Variants in SH3RF2 observed in about 807,000 individuals in gnomAD.
SH3RF2 encodes SH3 domain containing ring finger 2, also known as E3 ubiquitin-protein ligase SH3RF2.
SH3RF2 carries 43 observed loss-of-function variants against 59.0 expected under a neutral mutation model. That is an observed-to-expected ratio of 0.73 (90% CI 0.57 to 0.94). The LOEUF is 0.94. Ranked by LOEUF, SH3RF2 falls within the 40% of genes least tolerant of loss-of-function variation. The pLI is 0.00. For synonymous variants in SH3RF2, 391 were observed against 391.5 expected (o/e 1.00, Z 0.01); for missense variants, 930 against 940.1 (o/e 0.99, Z 0.14).
rs1370785907 is a variant in SH3RF2 at position 146,000,202 on chromosome 5, C to T, written c.523C>T (p.Pro175Ser). ...AATCAATGGCATCAGCGGGAACTTC[C>T]CAGCCAGCTCCGTGGAAGTCATCAA... ...GEINGISGNF[P>S]ASSVEVIKQL... is the part of the protein sequence containing the mutation. Residue 175 changes from proline to serine, a missense_variant, in exon 3 of 10, where the codon CCA (proline) becomes TCA (serine). By Grantham distance (74) the Pro-to-Ser change is moderately conservative. Transcript: ENST00000359120. 1.9e-6 allele frequency: 3 copies of T among 1,613,546 alleles called. No homozygotes were observed. The highest frequency in any genetic ancestry group is 2.7e-5 in the African/African-American group (2 of 74,978).
At chr5:145,951,229 G>A (rs762904051) in intron 2 of SH3RF2, among the ~76,000 whole-genome samples, 4 of 152,110 alleles carry the variant, frequency 2.6e-5, no homozygotes, top group Admixed American at 6.6e-5. Context: ...TAAGAGGCTC[G>A]GGAGTACTTT....
chr5:145,937,548 G>A (rs1017313763), intron 1 of SH3RF2, among the ~76,000 whole-genome samples: 5 of 152,218 alleles, frequency 3.3e-5, no homozygotes, highest in South Asian at 2.1e-4. Flanking sequence ...AGAGGGGTTG[G>A]GGGGCCACTT....
intron 2 of SH3RF2, among the ~76,000 whole-genome samples, chr5:145,975,491 C>T (rs1177583448): frequency 6.6e-6 from 1 of 152,216 alleles, no homozygotes; most frequent in Non-Finnish European, 1.5e-5. Context: ...TCAGATCCCC[C>T]TTCCACCAAG....
intron 2 of SH3RF2, among the ~76,000 whole-genome samples, chr5:145,975,917 C>T (rs1052059323): frequency 1.3e-5 from 2 of 152,226 alleles, no homozygotes; most frequent in Non-Finnish European, 2.9e-5. Context: ...TACATTAAGA[C>T]ATGGTATCAA....
chr5:145,963,023 G>A (rs1358370072), intron 2 of SH3RF2, among the ~76,000 whole-genome samples: 3 of 148,682 alleles, frequency 2.0e-5, no homozygotes, highest in Admixed American at 6.8e-5. Context: ...TCAGCCACCC[G>A]AGTAGCTGGG....
At chr5:146,026,718 A>G (rs2150001028) in intron 5 of SH3RF2, among the ~76,000 whole-genome samples, 1 of 152,318 alleles carries the variant, frequency 6.6e-6, no homozygotes, top group African/African-American at 2.4e-5. Context: ...AAATAAAAAT[A>G]TGGGCTTTGG....
At chr5:146,042,790 T>A (rs1450015437) in intron 5 of SH3RF2, among the ~76,000 whole-genome samples, 2 of 152,218 alleles carry the variant, frequency 1.3e-5, no homozygotes, top group Admixed American at 1.3e-4. Context: ...AGACTTCTTT[T>A]AAGTGAGTCA....
At chr5:146,011,140 G>C (rs145915956) in intron 4 of SH3RF2, among the ~76,000 whole-genome samples, 3,871 of 152,178 alleles carry the variant, frequency 0.025, 57 homozygotes, top group African/African-American at 0.028. Flanking sequence ...ATAGGGAATC[G>C]TTTCCCCATT....
In SH3RF2 at chr5:146,000,286, A is replaced by G. The variant is rs200832314; in HGVS notation, c.607A>G (p.Lys203Glu). Reference sequence around the variant, plus strand: ...CCTCTACAACTTCGACCTACGAGGCAAGGACAAGAGTGAGAACCAGGATTG... The same window carrying G: ...CCTCTACAACTTCGACCTACGAGGCGAGGACAAGAGTGAGAACCAGGATTG... ...RALYNFDLRGKDKSENQDCLT... is the reference protein window; with the variant it reads ...RALYNFDLRGEDKSENQDCLT... The change falls in exon 3 of 10, where the codon AAG becomes GAG. Residue 203 changes from lysine to glutamate, a missense_variant. Lys to Glu is a moderately conservative substitution (Grantham distance 56). Coordinates refer to ENST00000359120, the MANE Select transcript of SH3RF2 (RefSeq NM_152550.4). 7.6e-5 allele frequency: 122 copies of G among 1,613,698 alleles called. No homozygotes were observed. In the East Asian group the frequency reaches 2.4e-3, roughly 32 times the overall value.
chr5:145,996,020 C>T (rs1760133899), intron 2 of SH3RF2, among the ~76,000 whole-genome samples: 1 of 152,186 alleles, frequency 6.6e-6, no homozygotes. Context: ...GCTCATTTGT[C>T]CACCAGTTTC....
At chr5:146,038,131 T>C (rs1274691810) in intron 5 of SH3RF2, among the ~76,000 whole-genome samples, 1 of 152,232 alleles carries the variant, frequency 6.6e-6, no homozygotes, top group African/African-American at 2.4e-5. Context: ...TTATGTCCAT[T>C]CATTATATAT....
At chr5:146,016,557 C>A (rs1428428691) in intron 5 of SH3RF2, among the ~76,000 whole-genome samples, 1 of 152,134 alleles carries the variant, frequency 6.6e-6, no homozygotes, top group Non-Finnish European at 1.5e-5. Context: ...ATTATCAACA[C>A]TTTATAGCAA....
chr5:145,964,422 T>C (rs1758782899), intron 2 of SH3RF2, among the ~76,000 whole-genome samples: 1 of 151,662 alleles, frequency 6.6e-6, no homozygotes. Flanking sequence ...TTCTCCTGCT[T>C]CAGGCTCCCA....
At chr5:146,078,415 C>G (rs925401372) in intron 9 of SH3RF2, 1 of 152,230 alleles carries the variant, frequency 6.6e-6, no homozygotes, top group African/African-American at 2.4e-5. Context: ...TTCTTCCCAG[C>G]TGCATTCGCA....
intron 2 of SH3RF2, among the ~76,000 whole-genome samples, chr5:145,947,736 A>G (rs1257350946): frequency 1.3e-5 from 2 of 152,180 alleles, no homozygotes; most frequent in Admixed American, 1.3e-4. Flanking sequence ...TATTATTAAT[A>G]TTTCCCAGGT....
chr5:146,071,101 A>T (rs771422014), intron 9 of SH3RF2, among the ~76,000 whole-genome samples: 5 of 152,206 alleles, frequency 3.3e-5, no homozygotes, highest in Non-Finnish European at 5.9e-5. Flanking sequence ...ATCCAAGAGG[A>T]TTGTGAAGGC....
At chr5:146,039,716 C>T (rs1762061114) in intron 5 of SH3RF2, among the ~76,000 whole-genome samples, 1 of 152,182 alleles carries the variant, frequency 6.6e-6, no homozygotes, top group Non-Finnish European at 1.5e-5. Context: ...ACTGAACAGG[C>T]TCATACCCTT....
intron 2 of SH3RF2, among the ~76,000 whole-genome samples, chr5:145,978,778 G>A (rs551241370): frequency 9.2e-5 from 14 of 152,136 alleles, no homozygotes; most frequent in South Asian, 2.1e-4. Flanking sequence ...ACATCAATAC[G>A]AGAGAAGTTG....
chr5:146,049,177 C>T lies in SH3RF2; in HGVS notation c.1254C>T (p.Leu418=). The T allele has an allele frequency of 1.2e-6, 2 of 1,614,122 alleles. No homozygotes were observed. Among genetic ancestry groups the T allele is most frequent in the Non-Finnish European group, 1.7e-6 (2 of 1,180,030 alleles). ...TGGGGAAGTGCCAGGACGGCTGGCT[C>T]AGGGGCGTCTCCTTGGTCACCGGGC... The part of the protein sequence containing the change: ...RVLGKCQDGW[L]RGVSLVTGRV... The change falls in exon 7 of 10, where the codon CTC becomes CTT. Residue 418 remains leucine, a synonymous_variant. Coordinates refer to ENST00000359120, the MANE Select transcript of SH3RF2 (RefSeq NM_152550.4).
Sources: gnomAD v4.1 joint callset for allele counts (sites outside exome capture counted in the v4.1 genomes callset) on GRCh38, gnomAD v4.1.1 for gene constraint, MANE v1.5 for transcripts, NCBI Gene and HGNC (gene_info 2026-07-23, HGNC 2026-07-21) for gene names.